Variants in RGS6 observed in about 807,000 individuals in gnomAD.
RGS6 encodes regulator of G protein signaling 6.
RGS6 carries 30 observed loss-of-function variants against 78.5 expected under a neutral mutation model. That is an observed-to-expected ratio of 0.38 (90% confidence interval 0.29 to 0.52). The LOEUF is 0.52. Among genes scored for constraint, RGS6 ranks in the 20% least tolerant of loss-of-function variants. The pLI, the probability that RGS6 is intolerant of heterozygous loss-of-function variation, is 0.85. For synonymous variants in RGS6, 206 were observed against 206.0 expected, an observed-to-expected ratio of 1.00 and a Z score of 0.00; for missense variants, 495 against 609.7, an observed-to-expected ratio of 0.81 and a Z score of 1.98.
chr14:72,402,001 C>T (rs1261057500), intron 3 of RGS6, among the ~76,000 whole-genome samples: 1 of 152,160 alleles, frequency 6.6e-6, no homozygotes, highest in Non-Finnish European at 1.5e-5. Flanking sequence ...AAGTTGGAAC[C>T]TGATGGGAGT....
chr14:72,607,524 A>G, the RGS6 span, among the ~76,000 whole-genome samples: 2 of 152,208 alleles, frequency 1.3e-5, no homozygotes, highest in African/African-American at 4.8e-5. Flanking sequence ...GAGGGTGGAG[A>G]TTTCAACATA....
intron 2 of RGS6, among the ~76,000 whole-genome samples, chr14:72,314,082 T>G (rs1349392273): frequency 6.6e-6 from 1 of 152,216 alleles, no homozygotes; most frequent in African/African-American, 2.4e-5. Context: ...TTCTTCATTT[T>G]ATAGAGAAGG....
intron 16 of RGS6, chr14:72,537,409 C>G: frequency 1.4e-6 from 1 of 697,912 alleles, no homozygotes; most frequent in South Asian, 1.5e-5. Flanking sequence ...TGCTCTCCTG[C>G]CCTTGTGTAG....
chr14:72,186,303 A>G (rs570796356), intron 2 of RGS6, among the ~76,000 whole-genome samples: 6 of 152,376 alleles, frequency 3.9e-5, no homozygotes, highest in Admixed American at 6.5e-5. Flanking sequence ...GCTGGGCATT[A>G]ACGCAGATGG....
intron 5 of RGS6, among the ~76,000 whole-genome samples, chr14:72,459,366 A>G (rs866959642): frequency 6.6e-5 from 10 of 152,234 alleles, no homozygotes; most frequent in South Asian, 2.1e-4. Context: ...TTAGACCTCT[A>G]TTGTCTCAGG....
chr14:72,298,460 C>A (rs1266434116), intron 2 of RGS6, among the ~76,000 whole-genome samples: 6 of 126,968 alleles, frequency 4.7e-5, no homozygotes, highest in Non-Finnish European at 7.9e-5. Flanking sequence ...TTTTTTCCCC[C>A]CCTCTGAGAC....
chr14:72,078,291 T>A (rs1291793452), intron 2 of RGS6, among the ~76,000 whole-genome samples: 1 of 152,206 alleles, frequency 6.6e-6, no homozygotes, highest in East Asian at 1.9e-4. Context: ...CTAAGTTTCC[T>A]GAGGCCTCTC....
intron 3 of RGS6, among the ~76,000 whole-genome samples, chr14:72,382,484 G>A (rs753181786): frequency 2.0e-5 from 3 of 152,158 alleles, no homozygotes; most frequent in South Asian, 2.1e-4. Flanking sequence ...AATGCTAATC[G>A]AATGCTGGTG....
chr14:71,953,089 A>G (rs2092476964), intron 1 of RGS6, among the ~76,000 whole-genome samples: 1 of 152,168 alleles, frequency 6.6e-6, no homozygotes, highest in Non-Finnish European at 1.5e-5. Flanking sequence ...ATTAGAAACT[A>G]TAATCTTGGA....
chr14:72,442,485 T>C (rs1168977198), intron 3 of RGS6, among the ~76,000 whole-genome samples: 1 of 152,102 alleles, frequency 6.6e-6, no homozygotes, highest in East Asian at 1.9e-4. Flanking sequence ...ACCCCACAAA[T>C]AGTTCAATCA....
chr14:72,198,442 A>G (rs1358784277), intron 2 of RGS6, among the ~76,000 whole-genome samples: 2 of 152,388 alleles, frequency 1.3e-5, no homozygotes, highest in Middle Eastern at 3.4e-3. Context: ...AATAAGGACA[A>G]TAGACTAAAT....
At chr14:72,419,152 G>T (rs765231856) in intron 3 of RGS6, among the ~76,000 whole-genome samples, 5 of 152,214 alleles carry the variant, frequency 3.3e-5, no homozygotes, top group African/African-American at 7.2e-5. Context: ...GAAGGATACT[G>T]CTAACTGGCA....
intron 2 of RGS6, among the ~76,000 whole-genome samples, chr14:72,127,515 C>A (rs1421063543): frequency 1.3e-5 from 2 of 152,078 alleles, no homozygotes; most frequent in African/African-American, 4.8e-5. Flanking sequence ...TCTAAGAGAA[C>A]ACGTTACTGA....
chr14:72,377,943 C>G (rs956867580), intron 3 of RGS6, among the ~76,000 whole-genome samples: 2 of 152,146 alleles, frequency 1.3e-5, no homozygotes, highest in African/African-American at 4.8e-5. Context: ...ATGATCATGC[C>G]TCTGCACTCC....
chr14:72,240,974 TG>T (rs2052630845), intron 2 of RGS6, among the ~76,000 whole-genome samples: 1 of 151,970 alleles, frequency 6.6e-6, no homozygotes, highest in South Asian at 2.1e-4. Context: ...TTGGCCAACA[TG>T]GTGAAACCGT....
chr14:72,177,680 AT>A (rs2097124405), intron 2 of RGS6, among the ~76,000 whole-genome samples: 2 of 152,196 alleles, frequency 1.3e-5, no homozygotes, highest in Admixed American at 1.3e-4. Flanking sequence ...CTTAGATCTT[AT>A]TGTCTCATTT....
intron 17 of RGS6, chr14:72,550,508 C>T: frequency 6.5e-7 from 1 of 1,535,714 alleles, no homozygotes; most frequent in South Asian, 1.2e-5. Context: ...CATCATAGCA[C>T]ATTACACTGG....
At chr14:72,619,767 G>A in the RGS6 span, 75 of 846,340 alleles carry the variant, frequency 8.9e-5, no homozygotes, top group South Asian at 1.7e-3. Context: ...ACCTTGTGGG[G>A]TTGTGATGAT....
chr14:72,252,328 A>G (rs768994138), intron 2 of RGS6, among the ~76,000 whole-genome samples: 4 of 152,234 alleles, frequency 2.6e-5, no homozygotes, highest in Non-Finnish European at 5.9e-5. Context: ...GAAATTATTA[A>G]TGACCATCAA....
Sources: allele counts gnomAD v4.1 joint callset (sites outside exome capture counted in the v4.1 genomes callset), GRCh38; gene constraint gnomAD v4.1.1; transcripts MANE v1.5; gene names NCBI Gene and HGNC (gene_info 2026-07-23, HGNC 2026-07-21).